GALNT13: variants seen among roughly 807,000 people sequenced by gnomAD.
The protein encoded by GALNT13 is polypeptide N-acetylgalactosaminyltransferase 13.
GALNT13 carries 28 observed loss-of-function variants against 64.2 expected under a neutral mutation model. The observed-to-expected ratio is 0.44, with a 90% confidence interval of 0.32 to 0.60. GALNT13 has a LOEUF of 0.60. Among genes scored for constraint, GALNT13 ranks in the 20% least tolerant of loss-of-function variants. The pLI is 0.05. For missense variants in GALNT13, 577 were observed against 669.8 expected (o/e 0.86, Z 1.53); for synonymous variants, 214 against 224.6 (o/e 0.95, Z 0.42).
chr2:154,004,811 G>A (rs562033352), intron 3 of GALNT13, among the ~76,000 whole-genome samples: 2 of 152,226 alleles, frequency 1.3e-5, no homozygotes, highest in Admixed American at 1.3e-4. Flanking sequence ...ATTGCAAAGA[G>A]AATGAATCTT....
chr2:153,606,276 C>T, the GALNT13 span, among the ~76,000 whole-genome samples: 9 of 151,928 alleles, frequency 5.9e-5, no homozygotes, highest in Non-Finnish European at 7.4e-5. Flanking sequence ...GCTCTGCATG[C>T]GCTGAAAACT....
chr2:153,474,235 A>G, the GALNT13 span, among the ~76,000 whole-genome samples: 1 of 152,240 alleles, frequency 6.6e-6, no homozygotes, highest in East Asian at 1.9e-4. Flanking sequence ...CAATTAATTC[A>G]ATGGAATCAT....
the GALNT13 span, among the ~76,000 whole-genome samples, chr2:153,487,087 A>T: frequency 6.6e-6 from 1 of 152,258 alleles, no homozygotes; most frequent in Non-Finnish European, 1.5e-5. Context: ...TTTTAAAAAC[A>T]TGAAGGAGAA....
the GALNT13 span, among the ~76,000 whole-genome samples, chr2:153,359,679 G>T: frequency 7.9e-6 from 1 of 126,300 alleles, no homozygotes; most frequent in Admixed American, 8.2e-5. Context: ...ATATGAGAAG[G>T]CAGGAAGTAA....
intron 4 of GALNT13, among the ~76,000 whole-genome samples, chr2:154,153,498 G>C (rs1684194425): frequency 6.6e-6 from 1 of 152,200 alleles, no homozygotes; most frequent in Non-Finnish European, 1.5e-5. Context: ...AGAGTTTACT[G>C]GTGTCTTTTT....
intron 3 of GALNT13, among the ~76,000 whole-genome samples, chr2:154,033,803 G>A (rs1698490052): frequency 6.6e-6 from 1 of 152,106 alleles, no homozygotes; most frequent in African/African-American, 2.4e-5. Flanking sequence ...GCCAGGCATG[G>A]TGGCAGGTGC....
chr2:153,839,637 A>G, the GALNT13 span, among the ~76,000 whole-genome samples: 1 of 151,906 alleles, frequency 6.6e-6, no homozygotes, highest in Non-Finnish European at 1.5e-5. Flanking sequence ...ATATTTCTGA[A>G]GTGGAAATCC....
the GALNT13 span, among the ~76,000 whole-genome samples, chr2:153,102,410 T>C: frequency 6.6e-6 from 1 of 152,188 alleles, no homozygotes. Flanking sequence ...AATTATTCTG[T>C]TAAATAATCA....
At chr2:153,455,319 G>A in the GALNT13 span, among the ~76,000 whole-genome samples, 4 of 152,204 alleles carry the variant, frequency 2.6e-5, no homozygotes, top group Non-Finnish European at 4.4e-5. Flanking sequence ...AGGCAGCTGG[G>A]AAGTACTGAA....
chr2:154,260,978 A>G (rs1316325257), intron 8 of GALNT13, among the ~76,000 whole-genome samples: 1 of 151,866 alleles, frequency 6.6e-6, no homozygotes, highest in Non-Finnish European at 1.5e-5. Flanking sequence ...CTGCCAATGT[A>G]CTCCTCTTAC....
At chr2:154,164,940 C>G (rs1206820958) in intron 4 of GALNT13, among the ~76,000 whole-genome samples, 2 of 152,048 alleles carry the variant, frequency 1.3e-5, no homozygotes, top group Non-Finnish European at 2.9e-5. Context: ...ATTCTAATAT[C>G]TAGCAAAGTA....
the GALNT13 span, among the ~76,000 whole-genome samples, chr2:153,834,047 T>G: frequency 1.3e-5 from 2 of 152,166 alleles, no homozygotes; most frequent in Non-Finnish European, 2.9e-5. Flanking sequence ...TACTCAATTT[T>G]GTTTTTATCA....
At chr2:153,646,455 T>A in the GALNT13 span, among the ~76,000 whole-genome samples, 75 of 148,032 alleles carry the variant, frequency 5.1e-4, no homozygotes, top group African/African-American at 1.7e-3. Context: ...TTTTTTTCTT[T>A]TATATATATA....
At chr2:153,095,412 GA>G in the GALNT13 span, among the ~76,000 whole-genome samples, 1 of 152,196 alleles carries the variant, frequency 6.6e-6, no homozygotes, top group African/African-American at 2.4e-5. Flanking sequence ...AGGATGTGGA[GA>G]AATAGGAACT....
intron 3 of GALNT13, among the ~76,000 whole-genome samples, chr2:154,031,040 A>G (rs1303768793): frequency 6.6e-6 from 1 of 152,206 alleles, no homozygotes; most frequent in Non-Finnish European, 1.5e-5. Context: ...TAGTTGCTCT[A>G]GAAGATAACT....
chr2:153,104,630 A>C, the GALNT13 span, among the ~76,000 whole-genome samples: 1 of 152,166 alleles, frequency 6.6e-6, no homozygotes, highest in Non-Finnish European at 1.5e-5. Flanking sequence ...TGGCAATCAA[A>C]TGGAAGTTAG....
the GALNT13 span, among the ~76,000 whole-genome samples, chr2:153,333,440 A>T: frequency 6.6e-6 from 1 of 152,130 alleles, no homozygotes; most frequent in African/African-American, 2.4e-5. Flanking sequence ...TTTTGGATCA[A>T]TGGTGTCCTT....
At chr2:153,772,323 T>C in the GALNT13 span, among the ~76,000 whole-genome samples, 4 of 152,344 alleles carry the variant, frequency 2.6e-5, no homozygotes, top group Admixed American at 2.6e-4. Context: ...CATTATCTTT[T>C]CCTCTGCCTG....
At chr2:153,990,619 C>T (rs1695097445) in intron 3 of GALNT13, among the ~76,000 whole-genome samples, 1 of 152,120 alleles carries the variant, frequency 6.6e-6, no homozygotes, top group Admixed American at 6.6e-5. Context: ...TCTGGCATAA[C>T]ATTCATTACA....
Sources: allele counts gnomAD v4.1 joint callset (sites outside exome capture counted in the v4.1 genomes callset), GRCh38; gene constraint gnomAD v4.1.1; transcripts MANE v1.5; gene names NCBI Gene and HGNC (gene_info 2026-07-23, HGNC 2026-07-21).